The following ZNF438 variants were observed in gnomAD, a reference collection of about 807,000 sequenced individuals.
ZNF438 encodes zinc finger protein 438.
Under a neutral mutation model 38.0 loss-of-function variants are expected in ZNF438, and 25 were observed. The ratio of observed to expected loss-of-function variants is 0.66; its 90% confidence interval spans 0.48 to 0.92. ZNF438 has a LOEUF of 0.92. Among genes scored for constraint, ZNF438 ranks in the 40% least tolerant of loss-of-function variants. ZNF438 has a pLI of 0.00. For synonymous variants in ZNF438, 372 were observed against 364.1 expected, an observed-to-expected ratio of 1.02 and a Z score of -0.25; for missense variants, 1,007 against 999.6, an observed-to-expected ratio of 1.01 and a Z score of -0.10.
intron 1 of ZNF438, among the ~76,000 whole-genome samples, chr10:30,950,484 A>C (rs2048037186): frequency 6.6e-6 from 1 of 151,696 alleles, no homozygotes; most frequent in Admixed American, 6.6e-5. Context: ...AGGATCAACA[A>C]AATTGATAGA....
intron 1 of ZNF438, among the ~76,000 whole-genome samples, chr10:30,978,265 C>CAATATTGAGACAGTATAATAAGAA (rs1343254409): frequency 1.3e-5 from 2 of 152,142 alleles, no homozygotes; most frequent in East Asian, 3.8e-4. Flanking sequence ...CGTCTACTCT[C>CAATATTGAGACAGTATAATAAGAA]TTTCCTTATT....
At chr10:31,006,314 C>A (rs1366400461) in intron 1 of ZNF438, among the ~76,000 whole-genome samples, 3 of 152,022 alleles carry the variant, frequency 2.0e-5, no homozygotes, top group East Asian at 3.8e-4. Context: ...TTAAGTTGAT[C>A]ACCAACAGCC....
At chr10:30,960,765 T>C (rs1441932856) in intron 1 of ZNF438, among the ~76,000 whole-genome samples, 4 of 146,300 alleles carry the variant, frequency 2.7e-5, no homozygotes, top group Non-Finnish European at 6.2e-5. Flanking sequence ...GTGTACTTAG[T>C]AATACCACCT....
At chr10:31,031,975 G>A (rs985839928), upstream of ZNF438, 2 of 151,768 alleles carry the variant, frequency 1.3e-5, no homozygotes, top group Non-Finnish European at 2.9e-5. Flanking sequence ...ACACGCCCCC[G>A]AGCTCCACGC....
At chr10:30,904,016 T>TAAAA (rs71527619) in intron 3 of ZNF438, among the ~76,000 whole-genome samples, 1 of 142,962 alleles carries the variant, frequency 7.0e-6, no homozygotes, top group African/African-American at 2.6e-5. Flanking sequence ...ATGCCACAGT[T>TAAAA]AAAAAAAAAA....
At chr10:30,967,302 A>G (rs2050228888) in intron 1 of ZNF438, among the ~76,000 whole-genome samples, 1 of 152,208 alleles carries the variant, frequency 6.6e-6, no homozygotes, top group African/African-American at 2.4e-5. Flanking sequence ...GGAAATAAGT[A>G]TCTCCCCAAC....
At chr10:30,938,145 C>T (rs1005879892) in intron 2 of ZNF438, among the ~76,000 whole-genome samples, 2 of 152,142 alleles carry the variant, frequency 1.3e-5, no homozygotes, top group African/African-American at 2.4e-5. Flanking sequence ...GGTCTAATTC[C>T]CTGCCCCGCA....
In ZNF438 at chr10:30,961,265, A is replaced by T. The variant is rs867343700; in HGVS notation, c.-191-19614T>A. On this transcript the variant is annotated intron_variant, in intron 1 of 5. Coordinates refer to ENST00000413025, the Ensembl canonical transcript of ZNF438. ...ATAAAAAAAAAAAATTAAAAAAAAA[A>T]ATTTTTTAATTTATTATACCTTTTT... Among the ~76,000 whole-genome samples, 105 of 139,602 alleles carry T rather than the reference A, an allele frequency of 7.5e-4. 9 individuals carry two copies. Among genetic ancestry groups the T allele is most frequent in the South Asian group, 2.3e-3 (10 of 4,402 alleles). 91.6% of individuals were successfully genotyped at this position (139,602 alleles called of 152,430 possible). A position where few individuals can be genotyped will look rare whatever the true frequency, so the allele number is the denominator to read the frequency against.
At chr10:31,004,724 C>T (rs555076119) in intron 1 of ZNF438, among the ~76,000 whole-genome samples, 2 of 151,804 alleles carry the variant, frequency 1.3e-5, no homozygotes, top group East Asian at 1.9e-4. Context: ...AAGAATTTGC[C>T]GGAAAATAAT....
chr10:30,896,083 T>C (rs929045661), intron 3 of ZNF438, among the ~76,000 whole-genome samples: 1 of 151,964 alleles, frequency 6.6e-6, no homozygotes, highest in African/African-American at 2.4e-5. Flanking sequence ...GGGCAGATCA[T>C]GTCAGATCAA....
chr10:30,989,482 C>A (rs1208020096), intron 1 of ZNF438, among the ~76,000 whole-genome samples: 2 of 152,156 alleles, frequency 1.3e-5, no homozygotes, highest in African/African-American at 4.8e-5. Context: ...AACCCAATAA[C>A]CCTGACCCTT....
intron 1 of ZNF438, among the ~76,000 whole-genome samples, chr10:31,017,353 T>C (rs2056274867): frequency 6.6e-6 from 1 of 152,178 alleles, no homozygotes; most frequent in Non-Finnish European, 1.5e-5. Flanking sequence ...TGGAAGAGTA[T>C]ATGCTCCAAT....
intron 2 of ZNF438, among the ~76,000 whole-genome samples, chr10:30,941,093 A>G (rs568357223): frequency 9.4e-6 from 1 of 106,322 alleles, no homozygotes; most frequent in African/African-American, 2.8e-5. Flanking sequence ...TTATTTTGAC[A>G]TGGAGTCTCG....
At chr10:30,875,378 G>A (rs1226120286) in intron 4 of ZNF438, 2 of 984,486 alleles carry the variant, frequency 2.0e-6, no homozygotes, top group Admixed American at 1.2e-4. Flanking sequence ...ATTTTTCAAT[G>A]AGAAAACTGA....
chr10:30,954,070 G>T (rs982828943), intron 1 of ZNF438, among the ~76,000 whole-genome samples: 1 of 152,076 alleles, frequency 6.6e-6, no homozygotes, highest in Non-Finnish European at 1.5e-5. Context: ...TTGAACCCGG[G>T]ATGTGGAGGT....
At chr10:30,987,336 C>T (rs889162247) in intron 1 of ZNF438, among the ~76,000 whole-genome samples, 2 of 134,772 alleles carry the variant, frequency 1.5e-5, no homozygotes, top group Non-Finnish European at 3.3e-5. Context: ...AAAAAAAAAA[C>T]TAAAATATTT....
At chr10:30,994,991 T>C (rs2053898090) in intron 1 of ZNF438, among the ~76,000 whole-genome samples, 1 of 150,774 alleles carries the variant, frequency 6.6e-6, no homozygotes, top group African/African-American at 2.4e-5. Context: ...GCTGAGATCA[T>C]GCCACTATAC....
At chr10:30,911,381 T>C (rs938749074) in intron 2 of ZNF438, among the ~76,000 whole-genome samples, 4 of 152,156 alleles carry the variant, frequency 2.6e-5, no homozygotes, top group African/African-American at 9.7e-5. Context: ...AGATAACATG[T>C]GATGTGTCAG....
rs145470787 is a variant in ZNF438, at chr10:30,904,653, C to T, written c.-32+4280G>A. ...CACACTCTGGTCTGGACCTTCTTCT[C>T]GGACGCACCCTGCACTCCTCACCCC... On this transcript the variant is annotated intron_variant, in intron 3 of 5. Coordinates refer to ENST00000413025, the Ensembl canonical transcript of ZNF438. Among the ~76,000 whole-genome samples the T allele has an allele frequency of 2.2e-3, 331 of 152,296 alleles. 2 individuals carry two copies. The highest frequency in any genetic ancestry group is 7.3e-3 in the African/African-American group (304 of 41,556).
Sources: allele counts gnomAD v4.1 joint callset (sites outside exome capture counted in the v4.1 genomes callset), GRCh38; gene constraint gnomAD v4.1.1; transcripts MANE v1.5; gene names NCBI Gene and HGNC (gene_info 2026-07-23, HGNC 2026-07-21).